The following KCNK9 variants were observed in gnomAD, a reference collection of about 807,000 sequenced individuals.
KCNK9 encodes the protein potassium channel subfamily K member 9.
KCNK9 carries 1 observed loss-of-function variant against 10.8 expected under a neutral mutation model. That is an observed-to-expected ratio of 0.09 (90% CI 0.03 to 0.44). The LOEUF is 0.44. Ranked by LOEUF, KCNK9 falls within the 20% of genes least tolerant of loss-of-function variation. The pLI, the probability that KCNK9 is intolerant of heterozygous loss-of-function variation, is 0.97. For missense variants in KCNK9, 303 were observed against 515.0 expected, an observed-to-expected ratio of 0.59 and a Z score of 3.98; for synonymous variants, 231 against 222.7, an observed-to-expected ratio of 1.04 and a Z score of -0.33.
At chr8:139,687,837 T>C (rs1454452762) in intron 1 of KCNK9, among the ~76,000 whole-genome samples, 5 of 151,658 alleles carry the variant, frequency 3.3e-5, no homozygotes, top group Non-Finnish European at 7.4e-5. Context: ...TGATTCAGGT[T>C]ATTTTAAAGA....
At chr8:139,669,321 C>G (rs1816375357) in intron 1 of KCNK9, among the ~76,000 whole-genome samples, 1 of 152,226 alleles carries the variant, frequency 6.6e-6, no homozygotes, top group African/African-American at 2.4e-5. Flanking sequence ...AAAGATTTCT[C>G]TGGAGTATGC....
At chr8:139,673,952 G>T (rs1284095625) in intron 1 of KCNK9, among the ~76,000 whole-genome samples, 1 of 152,102 alleles carries the variant, frequency 6.6e-6, no homozygotes, top group Non-Finnish European at 1.5e-5. Flanking sequence ...CCCCGCCCCT[G>T]CCCCACCGCC....
intron 1 of KCNK9, among the ~76,000 whole-genome samples, chr8:139,697,301 A>ATGGATAGATGGTGGG (rs1342816370): frequency 6.7e-6 from 1 of 148,586 alleles, no homozygotes; most frequent in Non-Finnish European, 1.5e-5. Context: ...GGGTGGGTGG[A>ATGGATAGATGGTGGG]TGGATAGATG....
intron 1 of KCNK9, among the ~76,000 whole-genome samples, chr8:139,621,322 A>T (rs955702502): frequency 6.6e-6 from 1 of 151,898 alleles, no homozygotes. Flanking sequence ...AAATTTGATG[A>T]AAGACACAAA....
intron 1 of KCNK9, among the ~76,000 whole-genome samples, chr8:139,644,359 A>T (rs1425377224): frequency 6.6e-6 from 1 of 152,112 alleles, no homozygotes; most frequent in East Asian, 1.9e-4. Flanking sequence ...CTATTATCTG[A>T]TTCCATTCTG....
At chr8:139,610,498 A>C (rs1406104661), downstream of KCNK9, among the ~76,000 whole-genome samples, 2 of 152,258 alleles carry the variant, frequency 1.3e-5, no homozygotes, top group Non-Finnish European at 2.9e-5. Flanking sequence ...TCATCAAGAC[A>C]AGACCCCAGG....
rs1384198426 is a variant in KCNK9 at position 139,693,672 on chromosome 8, G to A, written c.283+9038C>T. ...CAAGTCCTTTGCTCAAGAGGATAAA[G>A]GACAATTGGGGAAAAGAGGAAGGCA... On this transcript the variant is annotated intron_variant, in intron 1 of 1. Transcript: ENST00000520439. The surrounding 1 kb of genome is among the most constrained non-coding windows in gnomAD (Gnocchi z 4.1). Among the ~76,000 whole-genome samples the A allele has an allele frequency of 6.6e-6, 1 of 152,140 alleles. No individual in the cohort carries two copies. The highest frequency in any genetic ancestry group is 1.9e-4 in the East Asian group (1 of 5,180).
chr8:139,606,364 G>T (rs1261141298), intron 2 of KCNK9, among the ~76,000 whole-genome samples: 2 of 152,122 alleles, frequency 1.3e-5, no homozygotes, highest in Non-Finnish European at 2.9e-5. Flanking sequence ...GCCCAGCTAT[G>T]CTGGGGGCTG....
chr8:139,643,165 A>T (rs1029901535), intron 1 of KCNK9, among the ~76,000 whole-genome samples: 20 of 152,076 alleles, frequency 1.3e-4, no homozygotes, highest in African/African-American at 4.8e-4. Context: ...TTCCATTCCC[A>T]TCACTGCCCC....
intron 1 of KCNK9, among the ~76,000 whole-genome samples, chr8:139,674,991 G>GT (rs1187245730): frequency 6.6e-6 from 1 of 152,026 alleles, no homozygotes; most frequent in African/African-American, 2.4e-5. Context: ...AGTGTCTGCT[G>GT]TCACCCCCAG....
At chr8:139,655,351 TC>T (rs912920346) in intron 1 of KCNK9, among the ~76,000 whole-genome samples, 1 of 152,076 alleles carries the variant, frequency 6.6e-6, no homozygotes, top group Non-Finnish European at 1.5e-5. Context: ...AAACACTCCT[TC>T]CCCGGCTTGT....
chr8:139,641,099 G>A (rs1476677048), intron 1 of KCNK9, among the ~76,000 whole-genome samples: 1 of 152,228 alleles, frequency 6.6e-6, no homozygotes, highest in African/African-American at 2.4e-5. Flanking sequence ...GGTGAGGCAG[G>A]TTCACTATCC....
chr8:139,658,204 G>T (rs965236577), intron 1 of KCNK9, among the ~76,000 whole-genome samples: 67 of 152,300 alleles, frequency 4.4e-4, no homozygotes, highest in African/African-American at 1.6e-3. Context: ...GGGGCTAGCA[G>T]GGGGCAGCTA....
At chr8:139,681,751 TG>T (rs1305629111) in intron 1 of KCNK9, among the ~76,000 whole-genome samples, 5 of 152,328 alleles carry the variant, frequency 3.3e-5, no homozygotes, top group African/African-American at 1.2e-4. Context: ...CATCATGGTG[TG>T]GGGCTCCAGG....
At chr8:139,616,631 A>G (rs1228229413), downstream of KCNK9, 2 of 152,078 alleles carry the variant, frequency 1.3e-5, no homozygotes, top group African/African-American at 4.8e-5. Context: ...CTTTCTAGGG[A>G]GCAAAGCCTC....
intron 1 of KCNK9, among the ~76,000 whole-genome samples, chr8:139,648,103 C>T (rs985619000): frequency 1.3e-5 from 2 of 152,164 alleles, no homozygotes; most frequent in Admixed American, 6.5e-5. Context: ...GAAAGAGGTA[C>T]GGACACATTG....
chr8:139,659,294 C>A (rs914780987), intron 1 of KCNK9, among the ~76,000 whole-genome samples: 5 of 152,198 alleles, frequency 3.3e-5, no homozygotes, highest in Non-Finnish European at 5.9e-5. Context: ...CTATGCACTA[C>A]AAGAGCTGCC....
intron 1 of KCNK9, among the ~76,000 whole-genome samples, chr8:139,663,777 C>T (rs1563741620): frequency 1.3e-5 from 2 of 152,112 alleles, no homozygotes; most frequent in Non-Finnish European, 1.5e-5. Flanking sequence ...CGAGGAAGCA[C>T]TGCCTGCCTG....
At chr8:139,623,177 T>C (rs16911089) in intron 1 of KCNK9, among the ~76,000 whole-genome samples, 11,873 of 152,226 alleles carry the variant, frequency 0.078, 1,524 homozygotes, top group African/African-American at 0.27. Flanking sequence ...TGACACAAGA[T>C]GGCCTCTAAG....
Sources: gnomAD v4.1 joint callset for allele counts (sites outside exome capture counted in the v4.1 genomes callset) on GRCh38, gnomAD v4.1.1 for gene constraint, Gnocchi (gnomAD v3.1) non-coding constraint, MANE v1.5 for transcripts, NCBI Gene and HGNC (gene_info 2026-07-23, HGNC 2026-07-21) for gene names.